The following PDE4B variants were observed in gnomAD, a reference collection of about 807,000 sequenced individuals.
The protein encoded by PDE4B is 3',5'-cyclic-AMP phosphodiesterase 4B.
In PDE4B, 20 loss-of-function variants were observed where a neutral mutation model predicts 82.2. The ratio of observed to expected loss-of-function variants is 0.24; its 90% CI spans 0.17 to 0.35. PDE4B has a LOEUF of 0.35. PDE4B is among the 10% of genes least tolerant of loss of function. The pLI is 1.00. For synonymous variants in PDE4B, 320 were observed against 318.9 expected (o/e 1.00, Z -0.04); for missense variants, 655 against 907.2 (o/e 0.72, Z 3.57).
chr1:66,067,829 G>T (rs1321165802), intron 3 of PDE4B, among the ~76,000 whole-genome samples: 4 of 151,106 alleles, frequency 2.6e-5, no homozygotes, highest in Non-Finnish European at 4.4e-5. Flanking sequence ...ATGGTTTTAG[G>T]TCTAACATTT....
At chr1:66,079,166 T>TTCTCTCTCTCTCTCTCTCTC (rs148765561) in intron 3 of PDE4B, among the ~76,000 whole-genome samples, 7 of 142,206 alleles carry the variant, frequency 4.9e-5, no homozygotes, top group African/African-American at 1.6e-4. Flanking sequence ...CCTGCTTCTT[T>TTCTCTCTCTCTCTCTCTCTC]TCTCTCTCTC....
At chr1:66,215,104 G>A (rs1650352688) in intron 3 of PDE4B, among the ~76,000 whole-genome samples, 1 of 152,088 alleles carries the variant, frequency 6.6e-6, no homozygotes, top group Admixed American at 6.6e-5. Flanking sequence ...TTGACAGGCA[G>A]ACAGAGCCCA....
intron 9 of PDE4B, among the ~76,000 whole-genome samples, chr1:66,357,152 G>T (rs1662318149): frequency 6.6e-6 from 1 of 152,226 alleles, no homozygotes; most frequent in Admixed American, 6.5e-5. Flanking sequence ...CATAAGCATT[G>T]CATTTTAAAA....
At chr1:66,217,083 C>T (rs1388142504) in intron 3 of PDE4B, among the ~76,000 whole-genome samples, 2 of 152,070 alleles carry the variant, frequency 1.3e-5, no homozygotes, top group Non-Finnish European at 2.9e-5. Context: ...TAAGGAAAGT[C>T]ATTAAGTACA....
At chr1:66,027,911 G>A (rs1442905627) in intron 3 of PDE4B, among the ~76,000 whole-genome samples, 1 of 152,172 alleles carries the variant, frequency 6.6e-6, no homozygotes, top group African/African-American at 2.4e-5. Flanking sequence ...TTCACAGGTG[G>A]GTGTTGAGTA....
At chr1:66,046,467 A>G (rs1237907452) in intron 3 of PDE4B, among the ~76,000 whole-genome samples, 2 of 151,754 alleles carry the variant, frequency 1.3e-5, no homozygotes, top group African/African-American at 2.4e-5. Context: ...TTCCAAAACT[A>G]TCTGTACTCA....
chr1:65,917,197 T>C (rs1306003463), intron 2 of PDE4B, among the ~76,000 whole-genome samples: 2 of 152,216 alleles, frequency 1.3e-5, no homozygotes, highest in East Asian at 3.9e-4. Context: ...GTCAAATATT[T>C]GTTGAATTAA....
At chr1:66,005,332 T>A (rs1415829694) in intron 3 of PDE4B, among the ~76,000 whole-genome samples, 2 of 152,122 alleles carry the variant, frequency 1.3e-5, no homozygotes, top group African/African-American at 4.8e-5. Context: ...CAAGCTCATA[T>A]AACCAATATA....
At chr1:66,217,452 AGCAAGAAGAGAGGT>A (rs1650556034) in intron 3 of PDE4B, among the ~76,000 whole-genome samples, 1 of 152,080 alleles carries the variant, frequency 6.6e-6, no homozygotes, top group South Asian at 2.1e-4. Context: ...AGCAGGAAGG[AGCAAGAAGAGAGGT>A]GCACTGCCAT....
intron 3 of PDE4B, among the ~76,000 whole-genome samples, chr1:66,199,383 G>C (rs1176324383): frequency 6.6e-6 from 1 of 152,046 alleles, no homozygotes; most frequent in African/African-American, 2.4e-5. Flanking sequence ...ATTTTTTCAT[G>C]TGTTTTTTGG....
At chr1:66,048,716 A>G (rs1292269034) in intron 3 of PDE4B, 3 of 151,952 alleles carry the variant, frequency 2.0e-5, no homozygotes, top group African/African-American at 7.2e-5. Context: ...TCTGATTCAC[A>G]GCCTATTACT....
intron 3 of PDE4B, among the ~76,000 whole-genome samples, chr1:66,097,113 A>T (rs185153435): frequency 6.6e-6 from 1 of 152,210 alleles, no homozygotes; most frequent in African/African-American, 2.4e-5. Flanking sequence ...CTGGATAAAT[A>T]TATCAGAAGG....
intron 3 of PDE4B, among the ~76,000 whole-genome samples, chr1:66,019,290 A>G (rs1351474521): frequency 1.3e-5 from 2 of 152,062 alleles, no homozygotes; most frequent in Admixed American, 6.5e-5. Flanking sequence ...AGCTATTTAA[A>G]TGTCCCATGC....
chr1:66,100,802 T>G (rs1645205989), intron 3 of PDE4B, among the ~76,000 whole-genome samples: 1 of 152,140 alleles, frequency 6.6e-6, no homozygotes, highest in Non-Finnish European at 1.5e-5. Flanking sequence ...ATTTTAATAG[T>G]TAATTTGAAT....
chr1:65,815,018 AC>A (rs1645864323), intron 1 of PDE4B, among the ~76,000 whole-genome samples: 1 of 147,448 alleles, frequency 6.8e-6, no homozygotes, highest in Non-Finnish European at 1.5e-5. Flanking sequence ...CATTCAACAC[AC>A]ATTTTATTTA....
intron 3 of PDE4B, among the ~76,000 whole-genome samples, chr1:66,057,441 A>G (rs967978117): frequency 6.6e-6 from 1 of 152,194 alleles, no homozygotes; most frequent in Non-Finnish European, 1.5e-5. Context: ...GAAGACATAA[A>G]CAATTTTTAA....
At chr1:66,192,537 A>T (rs1473511649) in intron 3 of PDE4B, among the ~76,000 whole-genome samples, 1 of 152,132 alleles carries the variant, frequency 6.6e-6, no homozygotes, top group Non-Finnish European at 1.5e-5. Flanking sequence ...AAACCCCGGA[A>T]GATCATGACT....
At chr1:65,966,580 G>A (rs968649312) in intron 3 of PDE4B, among the ~76,000 whole-genome samples, 28 of 152,042 alleles carry the variant, frequency 1.8e-4, no homozygotes, top group Admixed American at 1.6e-3. Flanking sequence ...AAAAGAGCTC[G>A]TATAGCCAAG....
intron 1 of PDE4B, among the ~76,000 whole-genome samples, chr1:65,817,633 A>G (rs148951942): frequency 0.014 from 2,059 of 152,282 alleles, 47 homozygotes; most frequent in African/African-American, 0.045. Context: ...AGGATTGTGT[A>G]TGTATTTTGT....
Sources: allele counts gnomAD v4.1 joint callset (sites outside exome capture counted in the v4.1 genomes callset), GRCh38; gene constraint gnomAD v4.1.1; transcripts MANE v1.5; gene names NCBI Gene and HGNC (gene_info 2026-07-23, HGNC 2026-07-21).